Variants in RLIM observed in about 807,000 individuals in gnomAD.
RLIM encodes ring finger protein, LIM domain interacting.
A neutral mutation model predicts 34.0 loss-of-function variants in RLIM; 2 were observed. The ratio of observed to expected loss-of-function variants is 0.06; its 90% CI spans 0.02 to 0.19. The LOEUF (loss-of-function observed/expected upper bound fraction) is 0.19, where lower values mean the gene tolerates loss of function less well. Ranked by LOEUF, RLIM falls within the 10% of genes least tolerant of loss-of-function variation. The probability of loss-of-function intolerance (pLI) is 1.00; values close to 1 mark genes in which losing one functional copy is unlikely to be tolerated. For missense variants in RLIM, 286 were observed against 479.7 expected (o/e 0.60, Z 3.77); for synonymous variants, 169 against 164.0 (o/e 1.03, Z -0.23).
intron 1 of RLIM, among the ~76,000 whole-genome samples, chrX:74,610,897 T>A (rs58263229): frequency 0.039 from 3,860 of 98,245 alleles, 176 homozygotes; most frequent in African/African-American, 0.13. Context: ...CTCAAAAAAA[T>A]AAAAAAATAA....
chrX:74,602,570 A>T (rs966803915), intron 1 of RLIM, among the ~76,000 whole-genome samples: 1 of 110,794 alleles, frequency 9.0e-6, no homozygotes, highest in African/African-American at 3.3e-5. Context: ...CGTCTCTACT[A>T]AAAAAAATAC....
intron 1 of RLIM, among the ~76,000 whole-genome samples, chrX:74,599,169 C>G (rs1220755648): frequency 9.0e-6 from 1 of 111,623 alleles, no homozygotes; most frequent in Non-Finnish European, 1.9e-5. Flanking sequence ...TACTATCTGG[C>G]CTTTTAAAGA....
At chrX:74,598,526 C>A (rs1256471441) in intron 1 of RLIM, among the ~76,000 whole-genome samples, 2 of 110,603 alleles carry the variant, frequency 1.8e-5, no homozygotes, top group East Asian at 5.7e-4. Flanking sequence ...CGCCTGTAAT[C>A]CCAGCACTTT....
chrX:74,598,467 AAAATT>A (rs1416178740), intron 1 of RLIM, among the ~76,000 whole-genome samples: 10 of 110,827 alleles, frequency 9.0e-5, no homozygotes, highest in Non-Finnish European at 1.7e-4. Flanking sequence ...ATCTTCATAA[AAAATT>A]AAATTAAATT....
intron 1 of RLIM, among the ~76,000 whole-genome samples, chrX:74,603,124 G>A (rs1338251344): frequency 1.8e-5 from 2 of 110,142 alleles, no homozygotes; most frequent in Non-Finnish European, 3.8e-5. Context: ...AAGACCATTT[G>A]GACTAAAATG....
In RLIM at chrX:74,590,682, T is replaced by G. The variant is rs775748062; in HGVS notation, c.*758A>C. 9.7e-4 allele frequency: 110 copies of G among 113,051 alleles called. No individual in the cohort carries two copies. The highest frequency in any genetic ancestry group is 5.1e-4 in the Non-Finnish European group (27 of 53,407). The allele number at this position is 113,051 out of a possible 1,213,427, so 9.3% of individuals were successfully genotyped here. On this transcript the variant is annotated 3_prime_UTR_variant, in exon 4 of 4. Transcript: ENST00000332687. Reference sequence around the variant, plus strand: ...TTTCTCAGTTCTAAGCATGGTACTTTACAATTTTTAATGCATTCATACAAC... The same window carrying G: ...TTTCTCAGTTCTAAGCATGGTACTTGACAATTTTTAATGCATTCATACAAC...
chrX:74,589,630 G>T lies in RLIM; in HGVS notation c.*1810C>A, dbSNP rs2079603962. 1 of 112,216 alleles carries T rather than the reference G, an allele frequency of 8.9e-6. No individual in the cohort carries two copies. The highest frequency in any genetic ancestry group is 1.9e-5 in the Non-Finnish European group (1 of 53,212). 9.2% of individuals were successfully genotyped at this position (112,216 alleles called of 1,213,427 possible). A position where few individuals can be genotyped will look rare whatever the true frequency, so the allele number is the denominator to read the frequency against. ...TGAAATAATCTTTACAGCTAAGTTG[G>T]TAACAGTGAAGGTACCCAGACAATT... On this transcript the variant is annotated 3_prime_UTR_variant, in exon 4 of 4. Transcript: ENST00000332687.
At chrX:74,611,598 C>T (rs754717317) in intron 1 of RLIM, among the ~76,000 whole-genome samples, 1 of 112,054 alleles carries the variant, frequency 8.9e-6, no homozygotes, top group Non-Finnish European at 1.9e-5. Flanking sequence ...AGGAACGTAA[C>T]AGACGAAAAG....
chrX:74,592,352 A>G lies in RLIM; in HGVS notation c.963T>C (p.Leu321=). The stretch of plus-strand genomic sequence containing the variant: ...GACGAACTCTTCTTACTTGAAGATC[A>G]AGGACTATGGTTGGAGGTCTCTGTC... ...GSGQRPPTIV[L]DLQVRRVRPG... Residue 321 remains leucine (L), a synonymous_variant, in exon 4 of 4, where the codon CTT becomes CTC. Transcript: ENST00000332687. 8.3e-7 allele frequency: 1 copy of G among 1,211,682 alleles called. No individual in the cohort carries two copies. Among genetic ancestry groups the G allele is most frequent in the Non-Finnish European group, 1.1e-6 (1 of 895,549 alleles).
chrX:74,610,871 CAG>C (rs984769337), intron 1 of RLIM, among the ~76,000 whole-genome samples: 1 of 107,904 alleles, frequency 9.3e-6, no homozygotes, highest in Non-Finnish European at 1.9e-5. Context: ...GCCTGGGCGA[CAG>C]AGTGAGACTC....
chrX:74,587,227 A>C lies in RLIM; in HGVS notation c.*4213T>G, dbSNP rs1235159221. The stretch of plus-strand genomic sequence containing the variant: ...AAGCACACAATTTACTAGTTAACTC[A>C]ATGAATTACAATACTGTTATTGAAT... On this transcript the variant is annotated 3_prime_UTR_variant, in exon 4 of 4. Coordinates refer to ENST00000332687, the MANE Select transcript of RLIM (RefSeq NM_016120.4). The C allele has an allele frequency of 8.9e-6, 1 of 112,410 alleles. No individual in the cohort carries two copies. The highest frequency in any genetic ancestry group is 1.9e-5 in the Non-Finnish European group (1 of 53,313). The allele number at this position is 112,410 out of a possible 1,213,427, so 9.3% of individuals were successfully genotyped here.
chrX:74,610,727 T>C (rs1325505422), intron 1 of RLIM, among the ~76,000 whole-genome samples: 1 of 108,513 alleles, frequency 9.2e-6, no homozygotes, highest in African/African-American at 3.4e-5. Context: ...CCATCTTTAC[T>C]AAAAATACAA....
chrX:74,593,876 C>T (rs1362157442), intron 3 of RLIM, among the ~76,000 whole-genome samples: 1 of 112,337 alleles, frequency 8.9e-6, no homozygotes, highest in Non-Finnish European at 1.9e-5. Context: ...GGATGTTTGG[C>T]AGCATTCCTG....
chrX:74,598,279 A>G (rs1007795173), intron 1 of RLIM, among the ~76,000 whole-genome samples: 10 of 111,430 alleles, frequency 9.0e-5, no homozygotes, highest in African/African-American at 3.3e-4. Context: ...GCTTCCATCT[A>G]ACCCTCAACT....
At chrX:74,594,921 G>T (rs1193920554) in intron 2 of RLIM, among the ~76,000 whole-genome samples, 1 of 93,677 alleles carries the variant, frequency 1.1e-5, no homozygotes, top group South Asian at 5.5e-4. Flanking sequence ...AAAAAAAAAA[G>T]GCAAAGGCAA....
rs2079597248 is a variant in RLIM at position 74,588,438 on chromosome X, T to A, written c.*3002A>T. The A allele has an allele frequency of 9.0e-6, 1 of 111,672 alleles. No homozygotes were observed. Among genetic ancestry groups the A allele is most frequent in the Non-Finnish European group, 1.9e-5 (1 of 53,242 alleles). The allele number at this position is 111,672 out of a possible 1,213,427, so 9.2% of individuals were successfully genotyped here. ...GTGAGCCGAGATCGCTCCATTGCACTTCATCCTGGGCAACCAAGTAAGACT... is the reference window on the plus strand; with the variant it reads ...GTGAGCCGAGATCGCTCCATTGCACATCATCCTGGGCAACCAAGTAAGACT... On this transcript the variant is annotated 3_prime_UTR_variant, in exon 4 of 4. Coordinates refer to ENST00000332687, the MANE Select transcript of RLIM (RefSeq NM_016120.4).
chrX:74,614,441 C>G lies in RLIM; in HGVS notation c.-43G>C, dbSNP rs1464280286. 1 of 112,745 alleles carries G rather than the reference C, an allele frequency of 8.9e-6. No homozygotes were observed. Among genetic ancestry groups the G allele is most frequent in the African/African-American group, 3.2e-5 (1 of 30,910 alleles). The allele number at this position is 112,745 out of a possible 1,213,427, so 9.3% of individuals were successfully genotyped here. A position where few individuals can be genotyped will look rare whatever the true frequency, so the allele number is the denominator to read the frequency against. On this transcript the variant is annotated 5_prime_UTR_variant, in exon 1 of 4. Transcript: ENST00000332687. Reference sequence around the variant, plus strand: ...ACTTACTAGGTTTTAGGGTCAGGATCCGACTCGGTTGGTTCGGCCGCCGCC... The same window carrying G: ...ACTTACTAGGTTTTAGGGTCAGGATGCGACTCGGTTGGTTCGGCCGCCGCC...
intron 1 of RLIM, among the ~76,000 whole-genome samples, chrX:74,597,176 G>A (rs189502127): frequency 2.7e-4 from 30 of 111,966 alleles, no homozygotes; most frequent in African/African-American, 8.8e-4. Flanking sequence ...TTGGCTAAAC[G>A]AGGAAAGCTG....
Position 74,592,082 on chromosome X carries a change from T to C in RLIM, c.1233A>G (p.Thr411=). 8.3e-7 allele frequency: 1 copy of C among 1,211,723 alleles called. No homozygotes were observed. The highest frequency in any genetic ancestry group is 1.1e-6 in the Non-Finnish European group (1 of 895,421). The change falls in exon 4 of 4, where the codon ACA becomes ACG. Residue 411 remains threonine (T), a synonymous_variant. Transcript: ENST00000332687. ...TAAAATAGCTTAACTCACCAAAACC[T>C]GTCATTATCTGCCTTAACATGGTCT... is the stretch of plus-strand genomic sequence containing the variant. ...AIQTMLRQIM[T]GFGELSYFMY...
Sources: allele counts gnomAD v4.1 joint callset (sites outside exome capture counted in the v4.1 genomes callset), GRCh38; gene constraint gnomAD v4.1.1; transcripts MANE v1.5; gene names NCBI Gene and HGNC (gene_info 2026-07-23, HGNC 2026-07-21).